OCA2: variants seen among roughly 807,000 people sequenced by gnomAD.
OCA2 encodes OCA2 melanosomal transmembrane protein, also known as P protein.
OCA2 carries 77 observed loss-of-function variants against 100.2 expected under a neutral mutation model. That is an observed-to-expected ratio of 0.77 (90% CI 0.64 to 0.93). The LOEUF is 0.93. Among genes scored for constraint, OCA2 ranks in the 40% least tolerant of loss-of-function variants. The probability of loss-of-function intolerance (pLI) is 0.00; values close to 1 mark genes in which losing one functional copy is unlikely to be tolerated. For missense variants in OCA2, 1,062 were observed against 1,089.1 expected (o/e 0.98, Z 0.35); for synonymous variants, 432 against 439.2 (o/e 0.98, Z 0.21).
chr15:27,741,610 A>G, the OCA2 span, among the ~76,000 whole-genome samples: 1 of 152,160 alleles, frequency 6.6e-6, no homozygotes, highest in African/African-American at 2.4e-5. Flanking sequence ...AAGTCCAGCT[A>G]ATTATTTATG....
chr15:27,995,797 C>T (rs545187954), intron 9 of OCA2, among the ~76,000 whole-genome samples: 11 of 149,126 alleles, frequency 7.4e-5, no homozygotes, highest in African/African-American at 2.2e-4. Flanking sequence ...GATAAATATG[C>T]AAAAATTAAG....
intron 2 of OCA2, among the ~76,000 whole-genome samples, chr15:28,078,205 T>C (rs994991077): frequency 2.0e-5 from 3 of 152,266 alleles, no homozygotes; most frequent in African/African-American, 7.2e-5. Flanking sequence ...GCAGATAACC[T>C]GGAAGGACTC....
chr15:27,757,176 G>A lies in OCA2; in HGVS notation c.2433-1704C>T, dbSNP rs73370356. Among the ~76,000 whole-genome samples, 623 of 152,330 alleles carry A rather than the reference G, an allele frequency of 4.1e-3. 5 individuals are homozygous for A. The highest frequency in any genetic ancestry group is 0.015 in the African/African-American group (605 of 41,574). On this transcript the variant is annotated intron_variant, in intron 23 of 23. Transcript: ENST00000354638. ...GGTCTCTCAGCTAGTTTGCTCTGGT[G>A]TGACAATCCAAATGCATCAGTCTAA...
intron 23 of OCA2, among the ~76,000 whole-genome samples, chr15:27,774,359 C>T (rs540900998): frequency 1.3e-4 from 20 of 152,316 alleles, no homozygotes; most frequent in South Asian, 4.1e-4. Context: ...AGGCCCCCCG[C>T]GTTCTGCACT....
At position 27,967,296 on chromosome 15, in the gene OCA2, A is replaced by C. The variant is rs368734195; in HGVS notation, c.1504-474T>G. On this transcript the variant is annotated intron_variant, in intron 14 of 23. Coordinates refer to ENST00000354638, the MANE Select transcript of OCA2 (RefSeq NM_000275.3). ...GAGCCCAACACAAAGCCCACGAAAG[A>C]CCACGGATTCCTTACCATGATTTTG... Among the ~76,000 whole-genome samples the C allele has an allele frequency of 2.6e-3, 393 of 152,256 alleles. 4 individuals are homozygous for C. Among genetic ancestry groups the C allele is most frequent in the African/African-American group, 9.2e-3 (381 of 41,542 alleles).
chr15:27,909,367 G>A (rs977587312), intron 19 of OCA2, among the ~76,000 whole-genome samples: 3 of 152,078 alleles, frequency 2.0e-5, no homozygotes, highest in African/African-American at 7.2e-5. Context: ...GATCAAAAAT[G>A]TCAGCAAGCT....
chr15:27,990,792 G>C, intron 9 of OCA2, 145 bp from the exon 10 acceptor site: 1 of 758,726 alleles, frequency 1.3e-6, no homozygotes, highest in Non-Finnish European at 2.3e-6. Context: ...TGATGTTTCA[G>C]GCCTGGACAC....
At chr15:27,769,894 TGCAGCGCCTCGGCCTGTGC>T (rs1480801544) in intron 23 of OCA2, among the ~76,000 whole-genome samples, 1 of 107,084 alleles carries the variant, frequency 9.3e-6, no homozygotes, top group East Asian at 2.2e-4. Context: ...TCGGCCTGTG[TGCAGCGCCTCGGCCTGTGC>T]GCGGCCCCTC....
chr15:28,096,697 T>TAA (rs2044990461), intron 1 of OCA2, among the ~76,000 whole-genome samples: 1 of 152,216 alleles, frequency 6.6e-6, no homozygotes, highest in Admixed American at 6.5e-5. Context: ...TCTAGAACGT[T>TAA]AAGCCAAACA....
intron 2 of OCA2, among the ~76,000 whole-genome samples, chr15:28,061,985 G>T (rs2043886230): frequency 6.6e-6 from 1 of 152,198 alleles, no homozygotes; most frequent in Non-Finnish European, 1.5e-5. Context: ...GGGCAATGAG[G>T]TTGCTTCTTT....
intron 2 of OCA2, among the ~76,000 whole-genome samples, chr15:28,033,853 T>C (rs1226807433): frequency 6.6e-6 from 1 of 152,190 alleles, no homozygotes; most frequent in Non-Finnish European, 1.5e-5. Flanking sequence ...TAGGTACATT[T>C]AGAAAATGTC....
At chr15:27,952,453 G>A (rs1045160248) in intron 17 of OCA2, among the ~76,000 whole-genome samples, 20 of 152,150 alleles carry the variant, frequency 1.3e-4, no homozygotes, top group South Asian at 6.2e-4. Context: ...CCTAGGAGAC[G>A]GCACGAGACG....
chr15:27,955,243 C>T (rs778906416), intron 16 of OCA2, 28 bp from the exon 17 acceptor site: 88 of 1,545,260 alleles, frequency 5.7e-5, no homozygotes, highest in Non-Finnish European at 7.6e-5. Flanking sequence ...AGACTCATTA[C>T]TTCCCTGGTC....
chr15:27,964,189 A>G (rs1312591561), intron 15 of OCA2, among the ~76,000 whole-genome samples: 1 of 152,256 alleles, frequency 6.6e-6, no homozygotes, highest in Admixed American at 6.5e-5. Flanking sequence ...GCAATTCTAC[A>G]GAAATTCTTC....
At chr15:27,817,228 T>C (rs991604234) in intron 23 of OCA2, among the ~76,000 whole-genome samples, 15 of 152,262 alleles carry the variant, frequency 9.9e-5, no homozygotes, top group Admixed American at 9.8e-4. Flanking sequence ...CCCTATAAGC[T>C]TTATTAAATT....
chr15:27,758,449 G>A lies in OCA2; in HGVS notation c.2433-2977C>T, dbSNP rs182541112. The stretch of plus-strand genomic sequence containing the variant: ...CCTGTGGTAACAGCAGAGACCACGT[G>A]GGGATCCCACGAGCCAGGGGTGTTT... On this transcript the variant is annotated intron_variant, in intron 23 of 23. Transcript: ENST00000354638. Among the ~76,000 whole-genome samples, 101 of 152,340 alleles carry A rather than the reference G, an allele frequency of 6.6e-4. No homozygotes were observed. In the Middle Eastern group the frequency reaches 0.01, roughly 15 times the overall value.
intron 23 of OCA2, among the ~76,000 whole-genome samples, chr15:27,829,724 T>C (rs752500338): frequency 1.3e-5 from 2 of 152,246 alleles, no homozygotes; most frequent in Non-Finnish European, 2.9e-5. Context: ...TCAGCATCGC[T>C]AATCTACAGA....
intron 1 of OCA2, among the ~76,000 whole-genome samples, chr15:28,083,260 C>G (rs1295875222): frequency 6.6e-6 from 1 of 152,198 alleles, no homozygotes; most frequent in Non-Finnish European, 1.5e-5. Flanking sequence ...CAAGCACTGA[C>G]AGCCCCAGAC....
At chr15:27,777,294 G>A (rs1158373003) in intron 23 of OCA2, among the ~76,000 whole-genome samples, 3 of 152,076 alleles carry the variant, frequency 2.0e-5, no homozygotes, top group Non-Finnish European at 2.9e-5. Flanking sequence ...CTTAATAAAC[G>A]CACAGAAAAA....
Sources: gnomAD v4.1 joint callset for allele counts (sites outside exome capture counted in the v4.1 genomes callset) on GRCh38, gnomAD v4.1.1 for gene constraint, MANE v1.5 for transcripts, NCBI Gene and HGNC (gene_info 2026-07-23, HGNC 2026-07-21) for gene names.